Variants in RASL11A observed in about 807,000 individuals in gnomAD.
RASL11A encodes the protein RAS like family 11 member A, also known as ras-like protein family member 11A.
A neutral mutation model predicts 17.1 loss-of-function variants in RASL11A; 14 were observed. The ratio of observed to expected loss-of-function variants is 0.82; its 90% CI spans 0.54 to 1.28. The LOEUF is 1.28. Among genes scored for constraint, RASL11A ranks in the 50% most tolerant of loss-of-function variants. RASL11A has a pLI of 0.00. For synonymous variants in RASL11A, 146 were observed against 132.5 expected (o/e 1.10, Z -0.70); for missense variants, 283 against 312.3 (o/e 0.91, Z 0.71).
rs1367503061 is a variant in RASL11A, at chr13:27,275,166, T to C, written c.*1672T>C. 6.6e-6 allele frequency among the ~76,000 whole-genome samples: 1 copy of C among 152,132 alleles called. No individual in the cohort carries two copies. Among genetic ancestry groups the C allele is most frequent in the Non-Finnish European group, 1.5e-5 (1 of 68,018 alleles). ...TCTAAAAGAGTGTCCAAATAAAATA[T>C]TAATTTGGATTCCATCTTTTAAAAA... On this transcript the variant is annotated 3_prime_UTR_variant, in exon 4 of 4. Transcript: ENST00000241463.
At chr13:27,271,320 A>T in intron 1 of RASL11A, 164 bp from the exon 2 acceptor site, 1 of 1,473,342 alleles carries the variant, frequency 6.8e-7, no homozygotes, top group Non-Finnish European at 9.0e-7. Context: ...GTGTCCCGCC[A>T]GTCGTACTCG....
rs1187737559 is a variant in RASL11A, at chr13:27,273,160, G to T, written c.395G>T (p.Arg132Leu). The T allele has an allele frequency of 6.2e-7, 1 of 1,614,144 alleles. No homozygotes were observed. The highest frequency in any genetic ancestry group is 1.7e-5 in the Admixed American group (1 of 60,012). ...LSIRPLYQHI[R>L]KVHPDSKAPV... Reference sequence around the variant, plus strand: ...ATCCGACCCCTTTATCAGCACATCCGGAAGGTCCACCCTGACTCTAAAGCC... The same window carrying T: ...ATCCGACCCCTTTATCAGCACATCCTGAAGGTCCACCCTGACTCTAAAGCC... The change falls in exon 4 of 4, where the codon CGG becomes CTG. Residue 132 changes from arginine to leucine, a missense_variant. Coordinates refer to ENST00000241463, the MANE Select transcript of RASL11A (RefSeq NM_206827.2).
chr13:27,271,102 T>C, intron 1 of RASL11A, 34 bp downstream of exon 1: 1 of 1,539,628 alleles, frequency 6.5e-7, no homozygotes, highest in Non-Finnish European at 8.8e-7. Context: ...GCGGCTTCGC[T>C]CCCCGGCTCC....
chr13:27,273,689 ACTTTTT>A lies in RASL11A; in HGVS notation c.*196_*201del. 1.9e-5 allele frequency: 5 copies of A among 261,138 alleles called. No homozygotes were observed. The highest frequency in any genetic ancestry group is 2.7e-5 in the Non-Finnish European group (4 of 146,314). 16.2% of individuals were successfully genotyped at this position (261,138 alleles called of 1,614,324 possible). A position where few individuals can be genotyped will look rare whatever the true frequency, so the allele number is the denominator to read the frequency against. ...AATTTTGTTTTGTTTTATTAAAAGA[ACTTTTT>A]TTTTTTTTTTTTTTTTTTTTTTTTT... On this transcript the variant is annotated 3_prime_UTR_variant, in exon 4 of 4. Transcript: ENST00000241463.
intron 1 of RASL11A, 21 bp downstream of exon 1, chr13:27,271,089 C>G (rs967687428): frequency 2.6e-6 from 4 of 1,547,524 alleles, no homozygotes; most frequent in Middle Eastern, 1.7e-4. Flanking sequence ...CGGGGACCCC[C>G]GGGCGGCTTC....
chr13:27,271,655 G>T lies in RASL11A; in HGVS notation c.198G>T (p.Arg66=). ...ATTCTCCAGGCAAGCTGTATTCACG[G>T]CTGGTCTATGTCGAGGGGGACCAGC... ...YEPNTGKLYS[R]LVYVEGDQLS... is the part of the protein sequence containing the mutation. Residue 66 remains arginine, a synonymous_variant, in exon 3 of 4, where the codon CGG becomes CGT. Transcript: ENST00000241463. 6.2e-7 allele frequency: 1 copy of T among 1,614,084 alleles called. No individual in the cohort carries two copies. Among genetic ancestry groups the T allele is most frequent in the South Asian group, 1.1e-5 (1 of 91,078 alleles).
At position 27,274,763 on chromosome 13, in the gene RASL11A, G is replaced by A. The variant is rs1038668999; in HGVS notation, c.*1269G>A. Among the ~76,000 whole-genome samples, 5 of 152,122 alleles carry A rather than the reference G, an allele frequency of 3.3e-5. No individual in the cohort carries two copies. Among genetic ancestry groups the A allele is most frequent in the Admixed American group, 6.6e-5 (1 of 15,262 alleles). ...TACTCCATTAGAAGGAGTCCCCCTC[G>A]AGGGCAGTAGCTGCATTTTATGATC... On this transcript the variant is annotated 3_prime_UTR_variant, in exon 4 of 4. Transcript: ENST00000241463.
chr13:27,271,310 G>A (rs1049072960), intron 1 of RASL11A, 174 bp from the exon 2 acceptor site: 6 of 1,464,072 alleles, frequency 4.1e-6, no homozygotes, highest in Admixed American at 4.7e-5. Flanking sequence ...TGCGGGAGAG[G>A]TGTCCCGCCA....
rs1882445050 is a variant in RASL11A at position 27,275,014 on chromosome 13, G to T, written c.*1520G>T. Among the ~76,000 whole-genome samples the T allele has an allele frequency of 6.6e-6, 1 of 152,204 alleles. No individual in the cohort carries two copies. Among genetic ancestry groups the T allele is most frequent in the Non-Finnish European group, 1.5e-5 (1 of 68,046 alleles). On this transcript the variant is annotated 3_prime_UTR_variant, in exon 4 of 4. Transcript: ENST00000241463. ...ACATATGCAGCTTCTGGCAATCACA[G>T]ACCATTACCCTTCCAAAAGGACAGC...
Position 27,275,087 on chromosome 13 carries a change from G to A in RASL11A, c.*1593G>A, listed in dbSNP as rs528754910. ...GCACCACTTTTCCCTGTAGTTGAAG[G>A]GAGTCTACCTATACAAAATGGCATG... On this transcript the variant is annotated 3_prime_UTR_variant, in exon 4 of 4. Coordinates refer to ENST00000241463, the MANE Select transcript of RASL11A (RefSeq NM_206827.2). 1.2e-4 allele frequency among the ~76,000 whole-genome samples: 19 copies of A among 152,244 alleles called. No homozygotes were observed. The South Asian group carries it at 3.9e-3, about 32-fold the overall frequency.
chr13:27,274,823 T>C lies in RASL11A; in HGVS notation c.*1329T>C, dbSNP rs1346298859. ...AATCTTCTAGTTCAGTGCTTCCCCA[T>C]AGAGTGGTAAGTTTTAAGTAAACAT... On this transcript the variant is annotated 3_prime_UTR_variant, in exon 4 of 4. Coordinates refer to ENST00000241463, the MANE Select transcript of RASL11A (RefSeq NM_206827.2). 6.6e-6 allele frequency among the ~76,000 whole-genome samples: 1 copy of C among 152,170 alleles called. No homozygotes were observed. Among genetic ancestry groups the C allele is most frequent in the African/African-American group, 2.4e-5 (1 of 41,444 alleles).
At chr13:27,271,615 A>C (rs1882292127) in intron 2 of RASL11A, 24 bp from the exon 3 acceptor site, 1 of 1,613,892 alleles carries the variant, frequency 6.2e-7, no homozygotes, top group East Asian at 2.2e-5. Context: ...AGAATTAAAA[A>C]GCAAACTCTA....
At chr13:27,271,990 A>G (rs1206069833) in intron 3 of RASL11A, among the ~76,000 whole-genome samples, 1 of 152,184 alleles carries the variant, frequency 6.6e-6, no homozygotes, top group African/African-American at 2.4e-5. Context: ...ATCACTACTT[A>G]AGCAGGTCTC....
Position 27,274,359 on chromosome 13 carries a change from C to T in RASL11A, c.*865C>T, listed in dbSNP as rs1017118938. On this transcript the variant is annotated 3_prime_UTR_variant, in exon 4 of 4. Coordinates refer to ENST00000241463, the MANE Select transcript of RASL11A (RefSeq NM_206827.2). The stretch of plus-strand genomic sequence containing the variant: ...TCAGAACAATGCTACTAAAACTAAC[C>T]CTAATCATTTTATTTCTATAAAAAA... Among the ~76,000 whole-genome samples, 1 of 152,130 alleles carries T rather than the reference C, an allele frequency of 6.6e-6. No individual in the cohort carries two copies. Among genetic ancestry groups the T allele is most frequent in the Non-Finnish European group, 1.5e-5 (1 of 68,016 alleles).
intron 1 of RASL11A, 65 bp downstream of exon 1, chr13:27,271,133 C>T: frequency 6.6e-7 from 1 of 1,514,196 alleles, no homozygotes; most frequent in Non-Finnish European, 8.8e-7. Context: ...ACTGGGGGCG[C>T]TGCGGAGAGA....
Position 27,271,782 on chromosome 13 carries a change from C to T in RASL11A, c.261+64C>T, listed in dbSNP as rs544402973. On this transcript the variant is annotated intron_variant, in intron 3 of 3. Transcript: ENST00000241463. ...TGAGACCACCCCAGTGGGCACAGCA[C>T]GTAGGGCGCCCATGCTGGGCGCAGG... 5 of 1,372,314 alleles carry T rather than the reference C, an allele frequency of 3.6e-6. No individual in the cohort carries two copies. In the African/African-American group the frequency reaches 7.3e-5, roughly 20 times the overall value. 85.0% of individuals were successfully genotyped at this position (1,372,314 alleles called of 1,614,324 possible).
Position 27,270,908 on chromosome 13 carries a change from C to A in RASL11A, c.-37C>A. 6.4e-7 allele frequency: 1 copy of A among 1,560,790 alleles called. No individual in the cohort carries two copies. The highest frequency in any genetic ancestry group is 8.7e-7 in the Non-Finnish European group (1 of 1,153,374). On this transcript the variant is annotated 5_prime_UTR_variant, in exon 1 of 4. Coordinates refer to ENST00000241463, the MANE Select transcript of RASL11A (RefSeq NM_206827.2). The stretch of plus-strand genomic sequence containing the variant: ...GGCTCCGGGTGCGGCGAGGCCCAGC[C>A]CTCTCGGATTGCGCGCCGGACCCCG...
At chr13:27,271,327 C>A in intron 1 of RASL11A, 157 bp from the exon 2 acceptor site, 1 of 1,481,214 alleles carries the variant, frequency 6.8e-7, no homozygotes. Context: ...GCCAGTCGTA[C>A]TCGCGGCCAA....
chr13:27,271,043 G>T lies in RASL11A; in HGVS notation c.99G>T (p.Leu33=), dbSNP rs1350293123. ...LLPKDIKLAV[L]GAGRVGKSAM... is the part of the protein sequence containing the mutation. ...CCAAGGACATCAAACTGGCGGTGCT[G>T]GGCGCCGGCCGCGTGGGCAAGAGCG... Residue 33 remains leucine (L), a synonymous_variant, in exon 1 of 4, where the codon CTG becomes CTT. Coordinates refer to ENST00000241463, the MANE Select transcript of RASL11A (RefSeq NM_206827.2). 6.3e-7 allele frequency: 1 copy of T among 1,581,254 alleles called. No individual in the cohort carries two copies. The highest frequency in any genetic ancestry group is 1.4e-5 in the African/African-American group (1 of 73,950).
Sources: gnomAD v4.1 joint callset for allele counts (sites outside exome capture counted in the v4.1 genomes callset) on GRCh38, gnomAD v4.1.1 for gene constraint, MANE v1.5 for transcripts, NCBI Gene and HGNC (gene_info 2026-07-23, HGNC 2026-07-21) for gene names.